The following AK5 variants were observed in gnomAD, a reference collection of about 807,000 sequenced individuals.
AK5 encodes the protein adenylate kinase 5, also known as adenylate kinase isoenzyme 5.
A neutral mutation model predicts 69.5 loss-of-function variants in AK5; 27 were observed. The ratio of observed to expected loss-of-function variants is 0.39; its 90% CI spans 0.29 to 0.54. The LOEUF (loss-of-function observed/expected upper bound fraction) is 0.54. AK5 is among the 20% of genes least tolerant of loss of function. AK5 has a pLI of 0.71. For synonymous variants in AK5, 260 were observed against 244.4 expected, an observed-to-expected ratio of 1.06 and a Z score of -0.60; for missense variants, 531 against 700.4, an observed-to-expected ratio of 0.76 and a Z score of 2.73.
At chr1:77,366,809 G>A (rs550127457) in intron 6 of AK5, among the ~76,000 whole-genome samples, 1 of 151,978 alleles carries the variant, frequency 6.6e-6, no homozygotes, top group South Asian at 2.1e-4. Context: ...AATGACAAGA[G>A]GTTGTCACCG....
At chr1:77,353,385 G>A (rs1662320465) in intron 6 of AK5, among the ~76,000 whole-genome samples, 1 of 152,144 alleles carries the variant, frequency 6.6e-6, no homozygotes, top group South Asian at 2.1e-4. Flanking sequence ...GGCTGAGGCA[G>A]GAGAATCGCT....
At chr1:77,411,584 G>A (rs758648007) in intron 7 of AK5, among the ~76,000 whole-genome samples, 5 of 152,000 alleles carry the variant, frequency 3.3e-5, no homozygotes, top group Non-Finnish European at 4.4e-5. Flanking sequence ...TCCTAATGTA[G>A]GCAGTACTCA....
At chr1:77,470,867 A>T (rs1194280080) in intron 8 of AK5, among the ~76,000 whole-genome samples, 7,014 of 12,904 alleles carry the variant, frequency 0.54, 1,205 homozygotes, top group South Asian at 0.63. Flanking sequence ...ATATATATAT[A>T]TATATATATT....
At chr1:77,310,813 A>G (rs1202468488) in intron 5 of AK5, among the ~76,000 whole-genome samples, 1 of 152,154 alleles carries the variant, frequency 6.6e-6, no homozygotes, top group Non-Finnish European at 1.5e-5. Flanking sequence ...GATTAATTTT[A>G]AGAGAACTCA....
intron 5 of AK5, among the ~76,000 whole-genome samples, chr1:77,315,693 G>A (rs1013206527): frequency 1.3e-5 from 2 of 152,120 alleles, no homozygotes; most frequent in African/African-American, 4.8e-5. Context: ...CTCCTATGTA[G>A]GCGACAGGTG....
chr1:77,369,657 A>G (rs1012575676), intron 6 of AK5, among the ~76,000 whole-genome samples: 2 of 152,142 alleles, frequency 1.3e-5, no homozygotes, highest in Non-Finnish European at 2.9e-5. Context: ...TTCCTTTTGC[A>G]TTATATACAG....
At chr1:77,510,806 G>A (rs1007107934) in intron 10 of AK5, among the ~76,000 whole-genome samples, 1 of 151,910 alleles carries the variant, frequency 6.6e-6, no homozygotes, top group African/African-American at 2.4e-5. Context: ...GAGCAAAGCA[G>A]ACCCAGATCC....
At chr1:77,293,646 G>A (rs1658812892) in intron 2 of AK5, 147 bp from the exon 3 acceptor site, 4 of 643,242 alleles carry the variant, frequency 6.2e-6, no homozygotes, top group Non-Finnish European at 1.0e-5. Context: ...TTACAATAAA[G>A]CCTGCTGACC....
intron 6 of AK5, among the ~76,000 whole-genome samples, chr1:77,379,587 T>C (rs1178524220): frequency 6.6e-6 from 1 of 152,190 alleles, no homozygotes; most frequent in Non-Finnish European, 1.5e-5. Flanking sequence ...AAGGAGCATG[T>C]TCTGTGTTAT....
At position 77,497,336 on chromosome 1, in the gene AK5, C is replaced by T. The variant is rs1425182687; in HGVS notation, c.1147+10984C>T. Among the ~76,000 whole-genome samples, 3 of 152,190 alleles carry T rather than the reference C, an allele frequency of 2.0e-5. No individual in the cohort carries two copies. In the East Asian group the frequency reaches 5.8e-4, roughly 29 times the overall value. On this transcript the variant is annotated intron_variant, in intron 10 of 13. Transcript: ENST00000354567. ...CACTCACTGCAAAGGTCTGCGTCTT[C>T]ACTCCTGAAGTCAAGCAAGACCACA...
intron 5 of AK5, among the ~76,000 whole-genome samples, chr1:77,320,196 G>A (rs1051641633): frequency 1.3e-5 from 2 of 152,114 alleles, no homozygotes; most frequent in African/African-American, 4.8e-5. Context: ...TCAGTATCAT[G>A]AGAACAGCAT....
At chr1:77,352,553 T>C (rs1053135357) in intron 6 of AK5, among the ~76,000 whole-genome samples, 4 of 152,184 alleles carry the variant, frequency 2.6e-5, no homozygotes, top group Non-Finnish European at 5.9e-5. Context: ...AGAAAATATA[T>C]TGATAATGCC....
intron 6 of AK5, among the ~76,000 whole-genome samples, chr1:77,401,121 A>C (rs1288038592): frequency 6.6e-6 from 1 of 152,102 alleles, no homozygotes; most frequent in Non-Finnish European, 1.5e-5. Flanking sequence ...GGCTTTAGAA[A>C]TATGGTTCTG....
intron 5 of AK5, among the ~76,000 whole-genome samples, chr1:77,322,637 A>G (rs1233646583): frequency 1.3e-5 from 2 of 152,204 alleles, no homozygotes; most frequent in Non-Finnish European, 2.9e-5. Context: ...TAAATGAGAA[A>G]ATTGAGTCCC....
intron 8 of AK5, among the ~76,000 whole-genome samples, chr1:77,437,580 C>T (rs1362634463): frequency 4.6e-5 from 7 of 152,180 alleles, no homozygotes; most frequent in African/African-American, 1.7e-4. Context: ...TTAGAAACCT[C>T]TTTTTCTCCT....
intron 8 of AK5, among the ~76,000 whole-genome samples, chr1:77,458,385 C>T (rs915339311): frequency 3.3e-5 from 5 of 152,154 alleles, no homozygotes; most frequent in South Asian, 2.1e-4. Flanking sequence ...GTATCATCTC[C>T]CCATCTTAAG....
At chr1:77,474,569 C>T (rs1471260571) in intron 8 of AK5, among the ~76,000 whole-genome samples, 4 of 152,158 alleles carry the variant, frequency 2.6e-5, no homozygotes, top group Non-Finnish European at 5.9e-5. Context: ...GTGCTTCAGG[C>T]TGCAGGGAAA....
intron 7 of AK5, among the ~76,000 whole-genome samples, chr1:77,412,541 A>G (rs1171062166): frequency 6.6e-6 from 1 of 152,206 alleles, no homozygotes; most frequent in Non-Finnish European, 1.5e-5. Context: ...GCAGTAAACT[A>G]GAAGTAAATG....
chr1:77,341,695 A>G (rs1261625091), intron 6 of AK5, among the ~76,000 whole-genome samples: 1 of 152,220 alleles, frequency 6.6e-6, no homozygotes, highest in East Asian at 1.9e-4. Context: ...TTTTAGCACC[A>G]TAAAGAAATA....
Sources: gnomAD v4.1 joint callset for allele counts (sites outside exome capture counted in the v4.1 genomes callset) on GRCh38, gnomAD v4.1.1 for gene constraint, MANE v1.5 for transcripts, NCBI Gene and HGNC (gene_info 2026-07-23, HGNC 2026-07-21) for gene names.